GTF2A1L: variants seen among roughly 807,000 people sequenced by gnomAD.
GTF2A1L encodes TFIIA-alpha and beta-like factor.
In GTF2A1L, 48 loss-of-function variants were observed where a neutral mutation model predicts 49.7. That is an observed-to-expected ratio of 0.97 (90% CI 0.77 to 1.23). The LOEUF (loss-of-function observed/expected upper bound fraction) is 1.23. Ranked by LOEUF, GTF2A1L falls within the 50% of genes most tolerant of loss-of-function variation. The pLI, the probability that GTF2A1L is intolerant of heterozygous loss-of-function variation, is 0.00. For synonymous variants in GTF2A1L, 246 were observed against 193.5 expected (o/e 1.27, Z -2.25); for missense variants, 736 against 564.8 (o/e 1.30, Z -3.07).
chr2:48,654,983 C>T (rs1678090485), intron 6 of GTF2A1L, among the ~76,000 whole-genome samples: 1 of 152,038 alleles, frequency 6.6e-6, no homozygotes, highest in Admixed American at 6.6e-5. Flanking sequence ...TATTCTAATT[C>T]CTTTATATTT....
chr2:48,624,876 C>A (rs1676216757), intron 3 of GTF2A1L, among the ~76,000 whole-genome samples: 1 of 143,494 alleles, frequency 7.0e-6, no homozygotes, highest in Non-Finnish European at 1.6e-5. Flanking sequence ...AAATGGCAGA[C>A]TCTCCCTCTT....
At chr2:48,677,529 T>C (rs1679536215) in intron 8 of GTF2A1L, among the ~76,000 whole-genome samples, 1 of 151,986 alleles carries the variant, frequency 6.6e-6, no homozygotes, top group South Asian at 2.1e-4. Context: ...TAAAGGATTT[T>C]GTAGTCCATT....
chr2:48,635,084 A>G (rs949819757), intron 3 of GTF2A1L, among the ~76,000 whole-genome samples: 8 of 152,168 alleles, frequency 5.3e-5, no homozygotes, highest in African/African-American at 1.7e-4. Flanking sequence ...AGTGCTCCAG[A>G]TATCTGGAGA....
chr2:48,666,423 C>T (rs913961514), intron 6 of GTF2A1L, among the ~76,000 whole-genome samples: 1 of 152,130 alleles, frequency 6.6e-6, no homozygotes, highest in East Asian at 1.9e-4. Context: ...ATTGACCAGA[C>T]TGGTCTTGAA....
chr2:48,622,053 T>C (rs1676031491), intron 3 of GTF2A1L, among the ~76,000 whole-genome samples: 1 of 152,148 alleles, frequency 6.6e-6, no homozygotes. Context: ...TTCAGCAGAG[T>C]AGTCTGCAAG....
At chr2:48,677,410 G>A (rs1679527212) in intron 8 of GTF2A1L, among the ~76,000 whole-genome samples, 2 of 151,958 alleles carry the variant, frequency 1.3e-5, no homozygotes, top group Non-Finnish European at 1.5e-5. Context: ...GGATATTAGA[G>A]TGTAAGCATT....
chr2:48,646,064 A>G (rs1180442930), intron 5 of GTF2A1L, among the ~76,000 whole-genome samples: 1 of 151,812 alleles, frequency 6.6e-6, no homozygotes, highest in Non-Finnish European at 1.5e-5. Flanking sequence ...ATGGCATTTT[A>G]AATATATGAA....
intron 1 of GTF2A1L, chr2:48,618,168 G>C: frequency 2.2e-6 from 1 of 452,128 alleles, no homozygotes; most frequent in Non-Finnish European, 3.9e-6. Flanking sequence ...GGGGTGTTTA[G>C]AGGTGGAACT....
chr2:48,667,534 C>T (rs986495722), intron 6 of GTF2A1L, among the ~76,000 whole-genome samples: 9 of 152,078 alleles, frequency 5.9e-5, no homozygotes, highest in South Asian at 2.1e-4. Flanking sequence ...CTAATTTATT[C>T]GTAACAGAAT....
intron 6 of GTF2A1L, among the ~76,000 whole-genome samples, chr2:48,664,914 C>T (rs997876115): frequency 7.2e-5 from 11 of 151,858 alleles, no homozygotes; most frequent in Middle Eastern, 3.4e-3. Flanking sequence ...AGAGGTTTTT[C>T]TATTTATTTA....
intron 3 of GTF2A1L, among the ~76,000 whole-genome samples, chr2:48,636,257 T>G (rs1676882600): frequency 6.6e-6 from 1 of 152,352 alleles, no homozygotes; most frequent in South Asian, 2.1e-4. Flanking sequence ...ACACAAATGC[T>G]TTTCCTTGTA....
chr2:48,625,186 A>G (rs1676230955), intron 3 of GTF2A1L, among the ~76,000 whole-genome samples: 1 of 143,918 alleles, frequency 6.9e-6, no homozygotes, highest in Non-Finnish European at 1.6e-5. Context: ...AACAGAGTAC[A>G]GGGGTTTCCT....
intron 6 of GTF2A1L, among the ~76,000 whole-genome samples, chr2:48,663,197 G>A (rs564457097): frequency 2.6e-4 from 40 of 152,264 alleles, no homozygotes; most frequent in African/African-American, 9.4e-4. Context: ...ACTTTGGGAG[G>A]CTGAGGAAGG....
intron 6 of GTF2A1L, among the ~76,000 whole-genome samples, chr2:48,656,682 A>C (rs1402482221): frequency 6.6e-6 from 1 of 152,066 alleles, no homozygotes. Flanking sequence ...TTTGAGCACA[A>C]AAGGTTTTGA....
chr2:48,653,185 C>T (rs1677965441), intron 6 of GTF2A1L, among the ~76,000 whole-genome samples: 1 of 141,502 alleles, frequency 7.1e-6, no homozygotes, highest in Non-Finnish European at 1.5e-5. Flanking sequence ...TGCGCCACTG[C>T]ACTCCAGCCT....
chr2:48,654,643 C>G (rs1437490103), intron 6 of GTF2A1L, among the ~76,000 whole-genome samples: 3 of 152,206 alleles, frequency 2.0e-5, no homozygotes, highest in Non-Finnish European at 4.4e-5. Flanking sequence ...CTCAGCCTCT[C>G]AAAGTGCTGG....
chr2:48,620,768 C>G, intron 1 of GTF2A1L, 83 bp from the exon 2 acceptor site: 1 of 845,622 alleles, frequency 1.2e-6, no homozygotes, highest in Non-Finnish European at 1.5e-6. Context: ...CAGAGCATGA[C>G]TCCATCTCAA....
At position 48,646,841 on chromosome 2, in the gene GTF2A1L, T is replaced by C. The variant is rs1558735621; in HGVS notation, c.777T>C (p.Asn259=). 2.5e-6 allele frequency: 4 copies of C among 1,613,978 alleles called. No homozygotes were observed. Among genetic ancestry groups the C allele is most frequent in the Admixed American group, 1.7e-5 (1 of 59,952 alleles). Residue 259 remains asparagine (N), a synonymous_variant, in exon 6 of 9, where the codon AAT becomes AAC. Coordinates refer to ENST00000403751, the MANE Select transcript of GTF2A1L (RefSeq NM_006872.5). The part of the protein sequence containing the change: ...FSPQVSQTNS[N]VESVLSGSAS... ...CACAGGTCTCTCAAACAAATTCTAA[T>C]GTGGAGTCAGTGCTCAGTGGTTCAG...
chr2:48,655,333 A>G (rs999227132), intron 6 of GTF2A1L, among the ~76,000 whole-genome samples: 7 of 152,014 alleles, frequency 4.6e-5, no homozygotes, highest in African/African-American at 7.2e-5. Flanking sequence ...TTTTAAAAAT[A>G]TATTTTTATT....
Sources: allele counts gnomAD v4.1 joint callset (sites outside exome capture counted in the v4.1 genomes callset), GRCh38; gene constraint gnomAD v4.1.1; transcripts MANE v1.5; gene names NCBI Gene and HGNC (gene_info 2026-07-23, HGNC 2026-07-21).